SLC12A7: variants seen among roughly 807,000 people sequenced by gnomAD.
SLC12A7 encodes the protein solute carrier family 12 member 7.
In SLC12A7, 100 loss-of-function variants were observed where a neutral mutation model predicts 120.6. That is an observed-to-expected ratio of 0.83 (90% CI 0.71 to 0.98). The LOEUF (loss-of-function observed/expected upper bound fraction) is 0.98. Ranked by LOEUF, SLC12A7 falls within the 50% of genes least tolerant of loss-of-function variation. The pLI, the probability that SLC12A7 is intolerant of heterozygous loss-of-function variation, is 0.00. For missense variants in SLC12A7, 1,373 were observed against 1,548.1 expected, an observed-to-expected ratio of 0.89 and a Z score of 1.90; for synonymous variants, 760 against 678.0, an observed-to-expected ratio of 1.12 and a Z score of -1.88.
In SLC12A7 at chr5:1,093,559, C is replaced by T. The variant is rs370538287; in HGVS notation, c.316G>A (p.Glu106Lys). Reference sequence around the variant, plus strand: ...TTGGCCTCCCGCCGCCGGCTCTCCTCGTCCTCCTCGTGCTCCACCACGCCC... The same window carrying T: ...TTGGCCTCCCGCCGCCGGCTCTCCTTGTCCTCCTCGTGCTCCACCACGCCC... ...SQGVVEHEEDEESRRREAKAP... is the reference protein window; with the variant it reads ...SQGVVEHEEDKESRRREAKAP... Residue 106 changes from glutamate to lysine, a missense_variant, in exon 3 of 24, where the codon GAG (glutamate) becomes AAG (lysine). Physicochemically the swap from Glu to Lys is moderately conservative, Grantham distance 56. Coordinates refer to ENST00000264930, the MANE Select transcript of SLC12A7 (RefSeq NM_006598.3). The T allele has an allele frequency of 5.6e-6, 9 of 1,602,152 alleles. No individual in the cohort carries two copies. The highest frequency in any genetic ancestry group is 7.7e-6 in the Non-Finnish European group (9 of 1,175,372).
chr5:1,147,242 A>ACCCCGC, the SLC12A7 span, among the ~76,000 whole-genome samples: 10 of 89,384 alleles, frequency 1.1e-4, no homozygotes, highest in Non-Finnish European at 1.4e-4. Flanking sequence ...ATCACGGCCC[A>ACCCCGC]CCCCGCCACC....
At chr5:1,123,980 C>G in the SLC12A7 span, among the ~76,000 whole-genome samples, 1 of 152,234 alleles carries the variant, frequency 6.6e-6, no homozygotes, top group Non-Finnish European at 1.5e-5. Flanking sequence ...ATTCATCGCT[C>G]TCAGTGGAGA....
At chr5:1,139,954 C>T in the SLC12A7 span, among the ~76,000 whole-genome samples, 1 of 152,246 alleles carries the variant, frequency 6.6e-6, no homozygotes, top group African/African-American at 2.4e-5. Context: ...CCAAGAAGAC[C>T]TCTGTGGTCA....
chr5:1,098,143 A>C (rs1160552408), intron 1 of SLC12A7, among the ~76,000 whole-genome samples: 5 of 12,830 alleles, frequency 3.9e-4, no homozygotes, highest in East Asian at 3.3e-3. Context: ...CCCAGCCCCC[A>C]CAACCCTCTG....
At chr5:1,073,322 C>G (rs755173776) in intron 17 of SLC12A7, among the ~76,000 whole-genome samples, 1 of 152,168 alleles carries the variant, frequency 6.6e-6, no homozygotes, top group East Asian at 1.9e-4. Flanking sequence ...GCCTGAACAG[C>G]GGGAGACTGA....
intron 1 of SLC12A7, among the ~76,000 whole-genome samples, chr5:1,098,939 G>A (rs1036381525): frequency 4.6e-5 from 7 of 152,134 alleles, no homozygotes; most frequent in African/African-American, 1.7e-4. Context: ...GCCTGGGATA[G>A]CACCTCCTCC....
chr5:1,075,500 G>A lies in SLC12A7; in HGVS notation c.1848-10C>T, dbSNP rs1233391891. The A allele has an allele frequency of 6.2e-6, 10 of 1,607,572 alleles. No homozygotes were observed. The highest frequency in any genetic ancestry group is 2.2e-5 in the East Asian group (1 of 44,704). ...CAGAAAGGACAGGGTCCTGGGGGCG[G>A]GGCAAGTGGCTCGGGGCGGCCCAAC... On this transcript the variant is annotated splice_polypyrimidine_tract_variant and intron_variant, in intron 14 of 23. Coordinates refer to ENST00000264930, the MANE Select transcript of SLC12A7 (RefSeq NM_006598.3).
At chr5:1,129,720 A>AT in the SLC12A7 span, among the ~76,000 whole-genome samples, 3,517 of 152,272 alleles carry the variant, frequency 0.023, 152 homozygotes, top group African/African-American at 0.081. Flanking sequence ...CACAGGGGTC[A>AT]CCCTGATGGG....
At chr5:1,133,383 G>C in the SLC12A7 span, among the ~76,000 whole-genome samples, 1 of 152,142 alleles carries the variant, frequency 6.6e-6, no homozygotes, top group African/African-American at 2.4e-5. Context: ...ACCTCCTCCA[G>C]GAGTGGAGGA....
chr5:1,128,565 C>G, the SLC12A7 span, among the ~76,000 whole-genome samples: 1 of 152,236 alleles, frequency 6.6e-6, no homozygotes, highest in Non-Finnish European at 1.5e-5. Context: ...GCCCCCAACA[C>G]TCTGAGACCT....
upstream of SLC12A7, among the ~76,000 whole-genome samples, chr5:1,112,221 G>A (rs1382526799): frequency 6.6e-6 from 1 of 151,890 alleles, no homozygotes; most frequent in Non-Finnish European, 1.5e-5. Flanking sequence ...GACCCGGGAC[G>A]CGGGGCTTTC....
the SLC12A7 span, among the ~76,000 whole-genome samples, chr5:1,137,956 G>T: frequency 1.3e-5 from 2 of 152,162 alleles, no homozygotes; most frequent in Non-Finnish European, 2.9e-5. Context: ...CTCTCTTGCC[G>T]GGCTGGTTCC....
chr5:1,084,447 G>A (rs1739583915), intron 7 of SLC12A7, among the ~76,000 whole-genome samples: 1 of 152,220 alleles, frequency 6.6e-6, no homozygotes, highest in African/African-American at 2.4e-5. Context: ...CAATCTCAGT[G>A]TCTGAGTTCA....
intron 18 of SLC12A7, among the ~76,000 whole-genome samples, chr5:1,064,842 C>CGAGGG (rs1736788022): frequency 2.4e-4 from 4 of 16,856 alleles, no homozygotes; most frequent in Non-Finnish European, 3.4e-4. Context: ...GACGGCGAAG[C>CGAGGG]GACGGCGAGG....
At position 1,052,296 on chromosome 5, in the gene SLC12A7, C is replaced by G. The variant is rs1430548825; in HGVS notation, c.*64G>C. On this transcript the variant is annotated 3_prime_UTR_variant, in exon 24 of 24. Transcript: ENST00000264930. ...TGCCGTCTGTTTCCCTGGGCCAAGC[C>G]CAGGCCCAGGCTGCCCACGCCGTCC... 6 of 1,390,466 alleles carry G rather than the reference C, an allele frequency of 4.3e-6. No homozygotes were observed. The highest frequency in any genetic ancestry group is 2.3e-5 in the South Asian group (2 of 85,976). The allele number at this position is 1,390,466 out of a possible 1,614,324, so 86.1% of individuals were successfully genotyped here.
the SLC12A7 span, among the ~76,000 whole-genome samples, chr5:1,125,718 A>T: frequency 6.6e-6 from 1 of 152,174 alleles, no homozygotes; most frequent in Non-Finnish European, 1.5e-5. Context: ...TGAGGCCAGG[A>T]GTTTGAGATC....
chr5:1,124,539 A>G, the SLC12A7 span, among the ~76,000 whole-genome samples: 1 of 152,234 alleles, frequency 6.6e-6, no homozygotes, highest in African/African-American at 2.4e-5. Context: ...CCCAAGTGGA[A>G]GGAAAATGGT....
the SLC12A7 span, among the ~76,000 whole-genome samples, chr5:1,152,283 G>C: frequency 6.6e-6 from 1 of 152,228 alleles, no homozygotes; most frequent in Admixed American, 6.5e-5. Flanking sequence ...AGATGCCACA[G>C]TGTGCAGGGG....
rs1414733707 is a variant in SLC12A7 at position 1,051,236 on chromosome 5, G to A, written c.*1124C>T. 4.8e-5 allele frequency: 14 copies of A among 289,380 alleles called. No homozygotes were observed. Among genetic ancestry groups the A allele is most frequent in the South Asian group, 1.7e-4 (1 of 6,012 alleles). The allele number at this position is 289,380 out of a possible 1,614,324, so 17.9% of individuals were successfully genotyped here. A position where few individuals can be genotyped will look rare whatever the true frequency, so the allele number is the denominator to read the frequency against. The stretch of plus-strand genomic sequence containing the variant: ...CAAGGCACAGGCCATGGCAGGGGAC[G>A]CCCGGGACTCAGCCAGACAGACCTG... On this transcript the variant is annotated 3_prime_UTR_variant, in exon 24 of 24. Transcript: ENST00000264930.
Sources: gnomAD v4.1 joint callset for allele counts (sites outside exome capture counted in the v4.1 genomes callset) on GRCh38, gnomAD v4.1.1 for gene constraint, MANE v1.5 for transcripts, NCBI Gene and HGNC (gene_info 2026-07-23, HGNC 2026-07-21) for gene names.